GRIN3A: variants seen among roughly 807,000 people sequenced by gnomAD.
GRIN3A encodes the protein glutamate receptor ionotropic, NMDA 3A.
Under a neutral mutation model 92.4 loss-of-function variants are expected in GRIN3A, and 47 were observed. That is an observed-to-expected ratio of 0.51 (90% confidence interval 0.40 to 0.65). The LOEUF is 0.65. GRIN3A is among the 30% of genes least tolerant of loss of function. GRIN3A has a pLI of 0.00. For synonymous variants in GRIN3A, 527 were observed against 540.6 expected (o/e 0.97, Z 0.35); for missense variants, 1,324 against 1,393.1 (o/e 0.95, Z 0.79).
intron 3 of GRIN3A, among the ~76,000 whole-genome samples, chr9:101,662,462 A>G (rs1829182920): frequency 6.6e-6 from 1 of 151,768 alleles, no homozygotes; most frequent in Non-Finnish European, 1.5e-5. Context: ...GTGCTATTTA[A>G]CTTCATTTAA....
intron 1 of GRIN3A, among the ~76,000 whole-genome samples, chr9:101,699,282 A>G (rs1446584891): frequency 1.3e-5 from 2 of 152,164 alleles, no homozygotes; most frequent in Non-Finnish European, 2.9e-5. Context: ...AAGGTCTTCA[A>G]TGACAATGCA....
chr9:101,688,100 A>G (rs976593853), intron 1 of GRIN3A, among the ~76,000 whole-genome samples: 2 of 152,232 alleles, frequency 1.3e-5, no homozygotes, highest in Non-Finnish European at 1.5e-5. Context: ...GGAATTAACT[A>G]TGTTTATTAT....
chr9:101,684,485 T>C (rs1829505940), intron 2 of GRIN3A, among the ~76,000 whole-genome samples: 1 of 152,048 alleles, frequency 6.6e-6, no homozygotes. Context: ...AATAATAGCG[T>C]CTCCACTTAA....
rs190294847 is a variant in GRIN3A at position 101,617,702 on chromosome 9, G to T, written c.2615-4175C>A. 5.6e-3 allele frequency among the ~76,000 whole-genome samples: 847 copies of T among 151,092 alleles called. 9 individuals carry two copies. The highest frequency in any genetic ancestry group is 0.02 in the African/African-American group (815 of 40,788). Reference sequence around the variant, plus strand: ...TAGGGTACATGTGCACATTGTGCAGGTTAGTTACATATGTAGACATGTGCC... The same window carrying T: ...TAGGGTACATGTGCACATTGTGCAGTTTAGTTACATATGTAGACATGTGCC... On this transcript the variant is annotated intron_variant, in intron 5 of 8. Transcript: ENST00000361820.
chr9:101,716,929 A>C (rs988842783), intron 1 of GRIN3A, among the ~76,000 whole-genome samples: 2 of 152,206 alleles, frequency 1.3e-5, no homozygotes, highest in Non-Finnish European at 2.9e-5. Context: ...AGCTGGTTGC[A>C]GCTGAGTAGT....
Position 101,738,026 on chromosome 9 carries a change from C to A in GRIN3A, c.-47G>T. The A allele has an allele frequency of 6.7e-7, 1 of 1,483,378 alleles. No individual in the cohort carries two copies. The allele number at this position is 1,483,378 out of a possible 1,614,324, so 91.9% of individuals were successfully genotyped here. On this transcript the variant is annotated 5_prime_UTR_variant, in exon 1 of 9. Coordinates refer to ENST00000361820, the MANE Select transcript of GRIN3A (RefSeq NM_133445.3). Reference sequence around the variant, plus strand: ...AGCGCGCCCCCTCCTGCGCCCGGCTCGCCCCTCTGCAGCCGCTGCCTGAGG... The same window carrying A: ...AGCGCGCCCCCTCCTGCGCCCGGCTAGCCCCTCTGCAGCCGCTGCCTGAGG...
At chr9:101,665,462 T>G (rs1829226398) in intron 3 of GRIN3A, among the ~76,000 whole-genome samples, 1 of 151,856 alleles carries the variant, frequency 6.6e-6, no homozygotes. Context: ...TTGAGATGAA[T>G]TCACTGAGGT....
intron 6 of GRIN3A, chr9:101,594,359 A>G (rs994661527): frequency 6.5e-7 from 1 of 1,536,836 alleles, no homozygotes; most frequent in Admixed American, 2.1e-5. Flanking sequence ...ATCTTGAAAG[A>G]GATAGGGAAG....
chr9:101,655,804 A>G (rs983637259), intron 3 of GRIN3A, among the ~76,000 whole-genome samples: 2 of 152,006 alleles, frequency 1.3e-5, no homozygotes, highest in Non-Finnish European at 2.9e-5. Flanking sequence ...ATTATTTGTC[A>G]TATTAGTGAA....
chr9:101,582,354 A>G (rs1367698927), intron 6 of GRIN3A, among the ~76,000 whole-genome samples: 5 of 152,144 alleles, frequency 3.3e-5, no homozygotes, highest in Non-Finnish European at 7.3e-5. Flanking sequence ...GTCCCTAGAA[A>G]AGGAAAGACT....
At chr9:101,594,724 A>T (rs377055185) in intron 6 of GRIN3A, 633 of 1,613,940 alleles carry the variant, frequency 3.9e-4, no homozygotes, top group Non-Finnish European at 5.1e-4. Context: ...CTTCTCCATC[A>T]CCGTCGGTGT....
intron 3 of GRIN3A, among the ~76,000 whole-genome samples, chr9:101,658,169 C>T (rs1172186147): frequency 6.6e-6 from 1 of 151,928 alleles, no homozygotes; most frequent in East Asian, 1.9e-4. Context: ...TGGCTTTGGA[C>T]AAGTCATCTA....
intron 1 of GRIN3A, among the ~76,000 whole-genome samples, chr9:101,695,339 T>G (rs759379570): frequency 9.9e-5 from 15 of 152,164 alleles, no homozygotes; most frequent in Admixed American, 2.0e-4. Flanking sequence ...TTCAGGATTT[T>G]AAAATCTAGG....
chr9:101,653,508 A>G (rs1282700502), intron 3 of GRIN3A, among the ~76,000 whole-genome samples: 1 of 151,904 alleles, frequency 6.6e-6, no homozygotes, highest in Non-Finnish European at 1.5e-5. Context: ...CAAAAATCCT[A>G]TCATTTTTTA....
intron 6 of GRIN3A, chr9:101,594,457 A>G (rs1265537289): frequency 1.9e-6 from 3 of 1,614,022 alleles, no homozygotes; most frequent in Non-Finnish European, 2.5e-6. Context: ...CTCTGACCAC[A>G]GCACTGAATT....
chr9:101,698,248 T>G (rs149338072), intron 1 of GRIN3A, among the ~76,000 whole-genome samples: 174 of 152,356 alleles, frequency 1.1e-3, no homozygotes, highest in African/African-American at 3.9e-3. Context: ...CCTCATTTTG[T>G]TAGCATTACT....
rs747924573 is a variant in GRIN3A at position 101,670,149 on chromosome 9, A to C, written c.2263T>G (p.Phe755Val). The change falls in exon 3 of 9, where the codon TTT (phenylalanine) becomes GTT (valine). Residue 755 changes from phenylalanine (F) to valine (V), a missense_variant. Physicochemically the swap from Phe to Val is conservative, Grantham distance 50. Coordinates refer to ENST00000361820, the MANE Select transcript of GRIN3A (RefSeq NM_133445.3). ...LMNLWAIFCM[F>V]CLSTYTANLA... ...TTTGCCGTGTATGTGGAAAGGCAAA[A>C]CATACAGAAAATGGCCCAAAGGTTC... is the stretch of plus-strand genomic sequence containing the variant. The C allele has an allele frequency of 4.3e-6, 7 of 1,613,760 alleles. No homozygotes were observed. The Middle Eastern group carries it at 5.0e-4, about 114-fold the overall frequency.
At chr9:101,644,653 T>A (rs16920569) in intron 3 of GRIN3A, among the ~76,000 whole-genome samples, 53,756 of 151,660 alleles carry the variant, frequency 0.35, 10,036 homozygotes, top group African/African-American at 0.48. Flanking sequence ...GACAAGTAAT[T>A]CGTGACTCCA....
At chr9:101,604,054 C>A (rs1321988036) in intron 6 of GRIN3A, among the ~76,000 whole-genome samples, 4 of 152,160 alleles carry the variant, frequency 2.6e-5, no homozygotes, top group African/African-American at 9.7e-5. Flanking sequence ...GAGCTCTCTG[C>A]CTGTGAGCTC....
Sources: gnomAD v4.1 joint callset for allele counts (sites outside exome capture counted in the v4.1 genomes callset) on GRCh38, gnomAD v4.1.1 for gene constraint, MANE v1.5 for transcripts, NCBI Gene and HGNC (gene_info 2026-07-23, HGNC 2026-07-21) for gene names.